The following ZNF385D variants were observed in gnomAD, a reference collection of about 807,000 sequenced individuals.
The protein encoded by ZNF385D is zinc finger protein 659.
In ZNF385D, 15 loss-of-function variants were observed where a neutral mutation model predicts 35.8. The ratio of observed to expected loss-of-function variants is 0.42; its 90% confidence interval spans 0.28 to 0.64. The LOEUF is 0.64. Ranked by LOEUF, ZNF385D falls within the 30% of genes least tolerant of loss-of-function variation. ZNF385D has a pLI of 0.23. For missense variants in ZNF385D, 474 were observed against 494.6 expected (o/e 0.96, Z 0.39); for synonymous variants, 212 against 186.8 (o/e 1.13, Z -1.10).
chr3:21,427,456 T>C (rs916226901), intron 5 of ZNF385D, among the ~76,000 whole-genome samples: 3 of 152,166 alleles, frequency 2.0e-5, no homozygotes, highest in Non-Finnish European at 1.5e-5. Context: ...GTTTCATAGG[T>C]GGAAGCTGAA....
rs77248212 is a variant in ZNF385D, at chr3:21,870,157, T to G, written c.326-205129A>C. On this transcript the variant is annotated intron_variant, in intron 3 of 5. Coordinates refer to the ZNF385D transcript ENST00000494108. Reference sequence around the variant, plus strand: ...AAATTGTATATAAATGCTTCAGGAATTATTTTTCCCACACAGAATGTCTAT... The same window carrying G: ...AAATTGTATATAAATGCTTCAGGAAGTATTTTTCCCACACAGAATGTCTAT... 1.6e-4 allele frequency among the ~76,000 whole-genome samples: 25 copies of G among 152,286 alleles called. No homozygotes were observed. In the East Asian group the frequency reaches 4.5e-3, roughly 27 times the overall value.
intron 3 of ZNF385D, among the ~76,000 whole-genome samples, chr3:22,165,586 G>A (rs942932064): frequency 1.3e-5 from 2 of 152,116 alleles, no homozygotes; most frequent in Non-Finnish European, 2.9e-5. Context: ...TAAATGTTAG[G>A]GTTTGAAATA....
intron 2 of ZNF385D, among the ~76,000 whole-genome samples, chr3:21,643,918 G>A (rs76197432): frequency 0.017 from 2,659 of 152,196 alleles, 78 homozygotes; most frequent in African/African-American, 0.06. Flanking sequence ...AACTTATGTG[G>A]CTGGACAACC....
chr3:21,502,551 TTCA>T (rs1706459578), intron 4 of ZNF385D, among the ~76,000 whole-genome samples: 1 of 152,196 alleles, frequency 6.6e-6, no homozygotes, highest in Non-Finnish European at 1.5e-5. Context: ...CCAAATATCA[TTCA>T]TCATAATTTC....
chr3:21,482,740 A>G (rs1181649870), intron 4 of ZNF385D, among the ~76,000 whole-genome samples: 1 of 152,136 alleles, frequency 6.6e-6, no homozygotes, highest in Non-Finnish European at 1.5e-5. Context: ...AGTACCTAGG[A>G]TGTCTTAGTC....
chr3:21,826,629 C>T (rs1229148908), intron 3 of ZNF385D, among the ~76,000 whole-genome samples: 1 of 152,078 alleles, frequency 6.6e-6, no homozygotes, highest in Non-Finnish European at 1.5e-5. Flanking sequence ...TGGTCAGAGA[C>T]AGCAGCTATT....
At chr3:21,969,192 C>T (rs1344532634) in intron 3 of ZNF385D, among the ~76,000 whole-genome samples, 3 of 152,112 alleles carry the variant, frequency 2.0e-5, no homozygotes, top group Non-Finnish European at 4.4e-5. Context: ...GCAGCTCAGC[C>T]ACAGTAGAAT....
At chr3:22,096,715 T>A (rs372340199) in intron 3 of ZNF385D, among the ~76,000 whole-genome samples, 1 of 152,068 alleles carries the variant, frequency 6.6e-6, no homozygotes, top group Non-Finnish European at 1.5e-5. Flanking sequence ...ATTTCTATCA[T>A]TCCCCACGCT....
intron 3 of ZNF385D, among the ~76,000 whole-genome samples, chr3:22,010,613 G>C (rs149898735): frequency 3.0e-4 from 45 of 152,196 alleles, no homozygotes; most frequent in African/African-American, 9.2e-4. Context: ...AGACTCTTCT[G>C]ATTGTCTCTG....
At chr3:21,916,674 A>G (rs1700205986) in intron 3 of ZNF385D, among the ~76,000 whole-genome samples, 1 of 152,234 alleles carries the variant, frequency 6.6e-6, no homozygotes, top group African/African-American at 2.4e-5. Context: ...ATTCTCTACA[A>G]AAGACACTTG....
At chr3:21,803,606 A>G (rs78623689) in intron 3 of ZNF385D, among the ~76,000 whole-genome samples, 2,886 of 152,306 alleles carry the variant, frequency 0.019, 89 homozygotes, top group African/African-American at 0.064. Flanking sequence ...TGAAATATCC[A>G]TATTTGTAAT....
intron 1 of ZNF385D, among the ~76,000 whole-genome samples, chr3:21,679,551 AAG>A (rs762853132): frequency 5.9e-4 from 89 of 152,090 alleles, no homozygotes; most frequent in Non-Finnish European, 8.7e-4. Context: ...GTTGCTTTGA[AAG>A]CTAATCCAGA....
chr3:21,948,843 C>G (rs530642197), intron 3 of ZNF385D, among the ~76,000 whole-genome samples: 1 of 151,996 alleles, frequency 6.6e-6, no homozygotes, highest in Non-Finnish European at 1.5e-5. Flanking sequence ...TATAAGAAAT[C>G]TGTCTTTGAT....
chr3:22,193,481 G>A (rs1225051766), intron 2 of ZNF385D, among the ~76,000 whole-genome samples: 1 of 151,990 alleles, frequency 6.6e-6, no homozygotes, highest in Non-Finnish European at 1.5e-5. Context: ...TGAGATCTAA[G>A]TACAAATTAA....
chr3:22,068,322 C>A (rs2125557019), intron 3 of ZNF385D, among the ~76,000 whole-genome samples: 1 of 152,190 alleles, frequency 6.6e-6, no homozygotes, highest in Middle Eastern at 3.4e-3. Context: ...AGTTTTAGTT[C>A]CAGCTTAACA....
chr3:22,234,304 A>T (rs575326524), intron 2 of ZNF385D, among the ~76,000 whole-genome samples: 1 of 152,170 alleles, frequency 6.6e-6, no homozygotes, highest in African/African-American at 2.4e-5. Context: ...CAATGTGGTG[A>T]TTGCTTCATC....
intron 3 of ZNF385D, among the ~76,000 whole-genome samples, chr3:21,532,970 A>G (rs2061958412): frequency 6.6e-6 from 1 of 152,198 alleles, no homozygotes; most frequent in Admixed American, 6.5e-5. Context: ...ACACAGGTCC[A>G]GAAATCTGAG....
intron 2 of ZNF385D, among the ~76,000 whole-genome samples, chr3:22,212,967 T>C (rs1697624078): frequency 6.6e-6 from 1 of 151,980 alleles, no homozygotes; most frequent in African/African-American, 2.4e-5. Context: ...TGTTTAAACA[T>C]AATGGTTAGA....
At chr3:22,101,211 C>A (rs552137626) in intron 3 of ZNF385D, among the ~76,000 whole-genome samples, 2 of 151,928 alleles carry the variant, frequency 1.3e-5, no homozygotes, top group South Asian at 2.1e-4. Context: ...TAAAAAGCAC[C>A]AAAATTTCTC....
Sources: allele counts gnomAD v4.1 joint callset (sites outside exome capture counted in the v4.1 genomes callset), GRCh38; gene constraint gnomAD v4.1.1; transcripts MANE v1.5; gene names NCBI Gene and HGNC (gene_info 2026-07-23, HGNC 2026-07-21).